FRMD4A: variants seen among roughly 807,000 people sequenced by gnomAD.
The protein encoded by FRMD4A is FERM domain-containing protein 4A.
In FRMD4A, 29 loss-of-function variants were observed where a neutral mutation model predicts 129.1. That is an observed-to-expected ratio of 0.22 (90% CI 0.17 to 0.31). The LOEUF (loss-of-function observed/expected upper bound fraction) is 0.31. Ranked by LOEUF, FRMD4A falls within the 10% of genes least tolerant of loss-of-function variation. The pLI is 1.00. For missense variants in FRMD4A, 1,272 were observed against 1,375.8 expected, an observed-to-expected ratio of 0.92 and a Z score of 1.19; for synonymous variants, 634 against 571.6, an observed-to-expected ratio of 1.11 and a Z score of -1.56.
Position 13,747,816 on chromosome 10 carries a change from A to G in FRMD4A, c.468T>C (p.Asn156=). ...LQEAKGDFSS[N]EVVRSDLKKL... ...TCTTCAAGTCACTCCTCACAACTTC[A>G]TTGCTGAAAGAGAGAATGCCCAGAA... Residue 156 remains asparagine (N), a synonymous_variant, in exon 9 of 25, where the codon AAT becomes AAC. Transcript: ENST00000357447. 1.9e-6 allele frequency: 3 copies of G among 1,581,824 alleles called. No homozygotes were observed. The highest frequency in any genetic ancestry group is 2.6e-6 in the Non-Finnish European group (3 of 1,150,606).
At chr10:14,011,282 G>A (rs1474804949) in intron 2 of FRMD4A, among the ~76,000 whole-genome samples, 2 of 152,186 alleles carry the variant, frequency 1.3e-5, no homozygotes, top group Non-Finnish European at 2.9e-5. Flanking sequence ...AGAGTTTCTG[G>A]AGCTGCTGCT....
intron 2 of FRMD4A, among the ~76,000 whole-genome samples, chr10:13,964,568 T>G (rs920384563): frequency 6.6e-6 from 1 of 152,184 alleles, no homozygotes; most frequent in Non-Finnish European, 1.5e-5. Flanking sequence ...CTTCATGGGA[T>G]CTTCCAAGTC....
chr10:13,836,187 G>A (rs568214781), intron 3 of FRMD4A, among the ~76,000 whole-genome samples: 28 of 152,292 alleles, frequency 1.8e-4, no homozygotes, highest in African/African-American at 6.5e-4. Context: ...TAGTAGAGAC[G>A]GGGTTTTGCC....
At chr10:13,793,798 A>G (rs1013687697) in intron 5 of FRMD4A, among the ~76,000 whole-genome samples, 1 of 152,226 alleles carries the variant, frequency 6.6e-6, no homozygotes, top group African/African-American at 2.4e-5. Context: ...GAGCATCCCT[A>G]GGCAGATGTC....
At position 14,081,827 on chromosome 10, in the gene FRMD4A, A is replaced by G. The variant is rs17154593; in HGVS notation, c.46-222915T>C. Among the ~76,000 whole-genome samples, 1,475 of 152,336 alleles carry G rather than the reference A, an allele frequency of 9.7e-3. 81 individuals are homozygous for G. The East Asian group carries it at 0.16, about 17-fold the overall frequency. ...CTACTGTGGCAAATTCAGACATCCA[A>G]TGCAGGTCATTGACTCCAAAGACCA... On this transcript the variant is annotated intron_variant, in intron 2 of 24. Transcript: ENST00000357447.
intron 2 of FRMD4A, among the ~76,000 whole-genome samples, chr10:13,912,244 A>C (rs2094948453): frequency 6.6e-6 from 1 of 152,192 alleles, no homozygotes; most frequent in Admixed American, 6.5e-5. Flanking sequence ...TGGGGACAAC[A>C]GCAGGGATCA....
chr10:13,890,928 G>C lies in FRMD4A; in HGVS notation c.46-32016C>G, dbSNP rs1311315785. ...GTACGAACAGTTACTCTGCTAACAG[G>C]GTACTGGAGAAAAAGGCACCAAGTC... On this transcript the variant is annotated intron_variant, in intron 2 of 24. Coordinates refer to ENST00000357447, the MANE Select transcript of FRMD4A (RefSeq NM_018027.5). The C allele has an allele frequency of 4.4e-6, 4 of 904,788 alleles. No individual in the cohort carries two copies. The African/African-American group carries it at 7.2e-5, about 16-fold the overall frequency. 56.0% of individuals were successfully genotyped at this position (904,788 alleles called of 1,614,324 possible).
intron 15 of FRMD4A, chr10:13,684,549 C>G: frequency 1.0e-6 from 1 of 985,526 alleles, no homozygotes; most frequent in Non-Finnish European, 1.2e-6. Context: ...CCGGCAGACA[C>G]ATGGAAGGAC....
rs147026369 is a variant in FRMD4A at position 14,233,102 on chromosome 10, T to C, written c.45+96956A>G. On this transcript the variant is annotated intron_variant, in intron 2 of 24. Transcript: ENST00000357447. ...AGACTCAGTTTCCTTATCTGTAAGATGGGAATAATGTCAACAGGATTATTG... is the reference window on the plus strand; with the variant it reads ...AGACTCAGTTTCCTTATCTGTAAGACGGGAATAATGTCAACAGGATTATTG... 2.2e-3 allele frequency among the ~76,000 whole-genome samples: 337 copies of C among 152,336 alleles called. 1 individual carries two copies. The highest frequency in any genetic ancestry group is 7.6e-3 in the African/African-American group (316 of 41,580).
intron 2 of FRMD4A, among the ~76,000 whole-genome samples, chr10:13,897,553 C>G (rs917366251): frequency 1.3e-5 from 2 of 152,190 alleles, no homozygotes; most frequent in African/African-American, 4.8e-5. Flanking sequence ...TGCTGAGTGC[C>G]TCAAGAGTGG....
chr10:13,902,617 A>G (rs977305802), intron 2 of FRMD4A, among the ~76,000 whole-genome samples: 1 of 151,984 alleles, frequency 6.6e-6, no homozygotes, highest in Non-Finnish European at 1.5e-5. Context: ...AGGCAGGTGG[A>G]TCACTTGAGG....
intron 2 of FRMD4A, among the ~76,000 whole-genome samples, chr10:14,293,085 T>C (rs1386563211): frequency 1.3e-5 from 2 of 152,138 alleles, no homozygotes; most frequent in Non-Finnish European, 2.9e-5. Context: ...GCAAAAGGTA[T>C]TGCTATGGTT....
At chr10:14,066,102 C>T (rs2038233642) in intron 2 of FRMD4A, among the ~76,000 whole-genome samples, 1 of 150,292 alleles carries the variant, frequency 6.7e-6, no homozygotes, top group Non-Finnish European at 1.5e-5. Flanking sequence ...TGCAGTATAT[C>T]CTTTGGACGT....
chr10:13,926,791 C>T (rs780855294), intron 2 of FRMD4A, among the ~76,000 whole-genome samples: 6 of 152,196 alleles, frequency 3.9e-5, no homozygotes, highest in Non-Finnish European at 7.3e-5. Flanking sequence ...AGAGCCAAGA[C>T]GCCTAAAAGA....
rs539321478 is a variant in FRMD4A, at chr10:13,704,125, G to C, written c.837-2647C>G. Among the ~76,000 whole-genome samples, 10 of 152,304 alleles carry C rather than the reference G, an allele frequency of 6.6e-5. No individual in the cohort carries two copies. In the South Asian group the frequency reaches 2.1e-3, roughly 32 times the overall value. ...ACTCACACGTGGCTCATGAATACGT[G>C]AAATAGTAACTCTCAATACAAGAGA... On this transcript the variant is annotated intron_variant, in intron 13 of 24. Transcript: ENST00000357447.
intron 12 of FRMD4A, among the ~76,000 whole-genome samples, chr10:13,726,293 A>G (rs1475987585): frequency 6.6e-6 from 1 of 152,182 alleles, no homozygotes; most frequent in Admixed American, 6.5e-5. Context: ...AAACAAAAAC[A>G]AAACAAAACA....
At position 13,907,402 on chromosome 10, in the gene FRMD4A, G is replaced by A. The variant is rs138211241; in HGVS notation, c.46-48490C>T. ...TTCCAATTGTATAGATCCAGAAATCGAGGCTCAGGAACATTAAGTAACTTG... is the reference window on the plus strand; with the variant it reads ...TTCCAATTGTATAGATCCAGAAATCAAGGCTCAGGAACATTAAGTAACTTG... On this transcript the variant is annotated intron_variant, in intron 2 of 24. Transcript: ENST00000357447. 2.6e-5 allele frequency among the ~76,000 whole-genome samples: 4 copies of A among 152,214 alleles called. No individual in the cohort carries two copies. In the South Asian group the frequency reaches 6.2e-4, roughly 24 times the overall value.
intron 2 of FRMD4A, among the ~76,000 whole-genome samples, chr10:14,289,291 G>GT (rs975674582): frequency 1.8e-4 from 27 of 151,670 alleles, no homozygotes; most frequent in African/African-American, 5.8e-4. Context: ...TGTCTTTTGG[G>GT]TTTTTTTTAA....
chr10:13,949,414 A>T (rs575081861), intron 2 of FRMD4A, among the ~76,000 whole-genome samples: 1 of 152,276 alleles, frequency 6.6e-6, no homozygotes, highest in Admixed American at 6.5e-5. Context: ...ACTTACACGA[A>T]GTTTAGTTCA....
Sources: gnomAD v4.1 joint callset for allele counts (sites outside exome capture counted in the v4.1 genomes callset) on GRCh38, gnomAD v4.1.1 for gene constraint, MANE v1.5 for transcripts, NCBI Gene and HGNC (gene_info 2026-07-23, HGNC 2026-07-21) for gene names.